NSMCE2: variants seen among roughly 807,000 people sequenced by gnomAD.
NSMCE2 encodes the protein E3 SUMO-protein ligase NSE2.
NSMCE2 carries 24 observed loss-of-function variants against 23.8 expected under a neutral mutation model. The observed-to-expected ratio is 1.01, with a 90% CI of 0.73 to 1.42. NSMCE2 has a LOEUF of 1.42. NSMCE2 is among the 40% of genes most tolerant of loss of function. The pLI, the probability that NSMCE2 is intolerant of heterozygous loss-of-function variation, is 0.00. For missense variants in NSMCE2, 284 were observed against 296.5 expected, an observed-to-expected ratio of 0.96 and a Z score of 0.31; for synonymous variants, 92 against 94.1, an observed-to-expected ratio of 0.98 and a Z score of 0.13.
chr8:125,166,974 C>T (rs1242309086), intron 4 of NSMCE2, among the ~76,000 whole-genome samples: 1 of 152,186 alleles, frequency 6.6e-6, no homozygotes, highest in Non-Finnish European at 1.5e-5. Flanking sequence ...GGTGCCACTG[C>T]ACTCCAGCCT....
At chr8:125,213,921 A>T (rs1240406162) in intron 5 of NSMCE2, among the ~76,000 whole-genome samples, 1 of 152,110 alleles carries the variant, frequency 6.6e-6, no homozygotes, top group African/African-American at 2.4e-5. Flanking sequence ...ATCCACTTCA[A>T]CTGTCTTTCC....
At chr8:125,150,811 C>A (rs998982234) in intron 3 of NSMCE2, among the ~76,000 whole-genome samples, 2 of 152,102 alleles carry the variant, frequency 1.3e-5, no homozygotes, top group African/African-American at 4.8e-5. Context: ...TAAGACAGAG[C>A]TGCTTAATGG....
intron 5 of NSMCE2, among the ~76,000 whole-genome samples, chr8:125,297,651 T>A (rs1209684153): frequency 6.8e-6 from 1 of 147,828 alleles, no homozygotes; most frequent in South Asian, 2.1e-4. Context: ...GGCAACAAAG[T>A]GAGACCTTGT....
At chr8:125,313,136 G>A in intron 5 of NSMCE2, among the ~76,000 whole-genome samples, 6 of 126,124 alleles carry the variant, frequency 4.8e-5, no homozygotes, top group African/African-American at 6.0e-5. Context: ...AAGGAAGGAA[G>A]GAGAAAGAAA....
At chr8:125,338,072 CCTT>C (rs2131317060) in intron 5 of NSMCE2, among the ~76,000 whole-genome samples, 1 of 152,132 alleles carries the variant, frequency 6.6e-6, no homozygotes, top group African/African-American at 2.4e-5. Context: ...AGACCACCCT[CCTT>C]CTAATTCTCA....
At chr8:125,173,429 G>T (rs1822322082) in intron 4 of NSMCE2, among the ~76,000 whole-genome samples, 1 of 152,182 alleles carries the variant, frequency 6.6e-6, no homozygotes, top group Admixed American at 6.5e-5. Context: ...CACTGGTTCT[G>T]AGCATCTTGG....
intron 7 of NSMCE2, among the ~76,000 whole-genome samples, chr8:125,363,912 T>C (rs1414998667): frequency 6.6e-6 from 1 of 152,176 alleles, no homozygotes; most frequent in Non-Finnish European, 1.5e-5. Context: ...TAACACATCA[T>C]GTACCTGAGT....
intron 5 of NSMCE2, among the ~76,000 whole-genome samples, chr8:125,318,168 G>A (rs1385316727): frequency 6.6e-6 from 1 of 152,226 alleles, no homozygotes; most frequent in African/African-American, 2.4e-5. Flanking sequence ...CAGCACTTCA[G>A]GAGCCTGAGG....
intron 5 of NSMCE2, among the ~76,000 whole-genome samples, chr8:125,224,120 G>C (rs1824992700): frequency 6.6e-6 from 1 of 152,132 alleles, no homozygotes; most frequent in Non-Finnish European, 1.5e-5. Context: ...ACAGGCATAA[G>C]CCACCATGCC....
At chr8:125,352,669 G>A (rs1813089497) in intron 5 of NSMCE2, among the ~76,000 whole-genome samples, 1 of 152,154 alleles carries the variant, frequency 6.6e-6, no homozygotes, top group East Asian at 1.9e-4. Context: ...AGGATAGATA[G>A]ATAACCTCAA....
At chr8:125,267,217 A>G (rs1826959237) in intron 5 of NSMCE2, among the ~76,000 whole-genome samples, 1 of 152,034 alleles carries the variant, frequency 6.6e-6, no homozygotes, top group Non-Finnish European at 1.5e-5. Flanking sequence ...CGTGTTGGCC[A>G]GGCTGGTCTC....
At chr8:125,146,558 A>G (rs367560281) in intron 3 of NSMCE2, among the ~76,000 whole-genome samples, 6 of 152,292 alleles carry the variant, frequency 3.9e-5, no homozygotes, top group African/African-American at 1.4e-4. Context: ...ATGGAATACT[A>G]TGCAGCCATA....
intron 5 of NSMCE2, among the ~76,000 whole-genome samples, chr8:125,224,288 C>T (rs995893580): frequency 1.3e-5 from 2 of 152,176 alleles, no homozygotes; most frequent in African/African-American, 2.4e-5. Context: ...GTTTCCTTTA[C>T]TATGCAGAAG....
At chr8:125,303,179 A>T (rs1353840866) in intron 5 of NSMCE2, among the ~76,000 whole-genome samples, 1 of 152,188 alleles carries the variant, frequency 6.6e-6, no homozygotes, top group Non-Finnish European at 1.5e-5. Flanking sequence ...CTTTCAGAGT[A>T]GCTGCCTCCC....
chr8:125,306,113 A>G (rs1828747768), intron 5 of NSMCE2, among the ~76,000 whole-genome samples: 1 of 152,084 alleles, frequency 6.6e-6, no homozygotes, highest in Non-Finnish European at 1.5e-5. Flanking sequence ...GGATTGCTTG[A>G]GCCCAAGAGC....
In NSMCE2 at chr8:125,330,182, T is replaced by TC. The variant is rs1368998308; in HGVS notation, c.419-27037_419-27036insC. 2.2e-4 allele frequency among the ~76,000 whole-genome samples: 14 copies of TC among 62,300 alleles called. 1 individual carries two copies. The highest frequency in any genetic ancestry group is 3.5e-4 in the Non-Finnish European group (13 of 37,044). The allele number at this position is 62,300 out of a possible 152,430, so 40.9% of individuals were successfully genotyped here. ...GAACTAACTTTTTCTTTTTTCTTTC[T>TC]TTTTTTTTTTTTTTGAGACAGTCTC... On this transcript the variant is annotated intron_variant, in intron 5 of 7. Coordinates refer to ENST00000287437, the MANE Select transcript of NSMCE2 (RefSeq NM_173685.4).
rs113626633 is a variant in NSMCE2, at chr8:125,148,115, G to A, written c.158-3056G>A. ...TCTTCTGGTGTTTCCTGTTCCCTTT[G>A]TTGCTTGGGCTGCACCAGTCTTTCC... On this transcript the variant is annotated intron_variant, in intron 3 of 7. Coordinates refer to ENST00000287437, the MANE Select transcript of NSMCE2 (RefSeq NM_173685.4). Among the ~76,000 whole-genome samples, 457 of 152,156 alleles carry A rather than the reference G, an allele frequency of 3.0e-3. 2 individuals carry two copies. The highest frequency in any genetic ancestry group is 0.01 in the African/African-American group (431 of 41,518).
chr8:125,301,335 A>G (rs945608328), intron 5 of NSMCE2, among the ~76,000 whole-genome samples: 3 of 152,182 alleles, frequency 2.0e-5, no homozygotes, highest in African/African-American at 7.2e-5. Context: ...TCCCTGGCCA[A>G]AGGTAATAGA....
intron 3 of NSMCE2, among the ~76,000 whole-genome samples, chr8:125,129,417 T>C (rs1819649352): frequency 6.6e-6 from 1 of 152,182 alleles, no homozygotes; most frequent in Non-Finnish European, 1.5e-5. Flanking sequence ...ATGAAGTCAC[T>C]TGTCTAAGAT....
Sources: allele counts gnomAD v4.1 joint callset (sites outside exome capture counted in the v4.1 genomes callset), GRCh38; gene constraint gnomAD v4.1.1; transcripts MANE v1.5; gene names NCBI Gene and HGNC (gene_info 2026-07-23, HGNC 2026-07-21).